YEATS2: variants seen among roughly 807,000 people sequenced by gnomAD.
YEATS2 encodes YEATS domain-containing protein 2.
In YEATS2, 77 loss-of-function variants were observed where a neutral mutation model predicts 163.2. The ratio of observed to expected loss-of-function variants is 0.47; its 90% CI spans 0.39 to 0.57. The LOEUF (loss-of-function observed/expected upper bound fraction) is 0.57. YEATS2 is among the 20% of genes least tolerant of loss of function. The pLI is 0.00. For synonymous variants in YEATS2, 631 were observed against 645.1 expected (o/e 0.98, Z 0.33); for missense variants, 1,549 against 1,729.8 (o/e 0.90, Z 1.85).
At chr3:183,745,962 G>A (rs1214567738) in intron 8 of YEATS2, among the ~76,000 whole-genome samples, 1 of 152,172 alleles carries the variant, frequency 6.6e-6, no homozygotes, top group Non-Finnish European at 1.5e-5. Context: ...CTCCTGAGTA[G>A]TTGGGACCAC....
rs763456457 is a variant in YEATS2 at position 183,758,902 on chromosome 3, C to T, written c.1593C>T (p.Ser531=). The T allele has an allele frequency of 1.3e-6, 2 of 1,597,030 alleles. No individual in the cohort carries two copies. The highest frequency in any genetic ancestry group is 3.6e-5 in the Admixed American group (2 of 55,438). ...AGATCTCCACGGCTTCTCAGGTCTC[C>T]CAAGGAACAGGTTCCCCTGTTCCTA... ...TNKISTASQV[S]QGTGSPVPKI... is the part of the protein sequence containing the mutation. Residue 531 remains serine, a synonymous_variant, in exon 13 of 31, where the codon TCC becomes TCT. Coordinates refer to ENST00000305135, the MANE Select transcript of YEATS2 (RefSeq NM_018023.5).
At chr3:183,743,143 T>C (rs148163102) in intron 8 of YEATS2, among the ~76,000 whole-genome samples, 2 of 152,336 alleles carry the variant, frequency 1.3e-5, no homozygotes, top group African/African-American at 4.8e-5. Flanking sequence ...GAATTGAATC[T>C]GCAATTATCT....
At chr3:183,760,210 A>T (rs1278683546) in intron 13 of YEATS2, among the ~76,000 whole-genome samples, 1 of 151,712 alleles carries the variant, frequency 6.6e-6, no homozygotes, top group African/African-American at 2.4e-5. Context: ...TTTGTTGGTG[A>T]TCATTTTACT....
intron 1 of YEATS2, among the ~76,000 whole-genome samples, chr3:183,701,509 A>G (rs1434179788): frequency 6.6e-6 from 1 of 151,948 alleles, no homozygotes; most frequent in East Asian, 1.9e-4. Context: ...ACCTCAGCCT[A>G]CCAAGTAGGT....
intron 1 of YEATS2, among the ~76,000 whole-genome samples, chr3:183,707,552 T>C (rs1416498115): frequency 1.3e-5 from 2 of 152,202 alleles, no homozygotes; most frequent in Non-Finnish European, 2.9e-5. Flanking sequence ...CAAAAGAGAA[T>C]GTATTTTCTT....
chr3:183,792,308 C>G lies in YEATS2; in HGVS notation c.3097+1328C>G, dbSNP rs564502261. On this transcript the variant is annotated intron_variant, in intron 21 of 30. Transcript: ENST00000305135. ...TCTCCCTTCCCTTGCCCCGCACCCC[C>G]CAACAGGCCACGGTGTGTGATGTTC... 4.6e-5 allele frequency among the ~76,000 whole-genome samples: 7 copies of G among 152,152 alleles called. No individual in the cohort carries two copies. In the South Asian group the frequency reaches 6.2e-4, roughly 14 times the overall value.
At chr3:183,749,910 C>T (rs182118806) in intron 9 of YEATS2, among the ~76,000 whole-genome samples, 26 of 152,184 alleles carry the variant, frequency 1.7e-4, no homozygotes, top group African/African-American at 3.6e-4. Flanking sequence ...CTCCACCTCC[C>T]GGGTTCACGC....
intron 7 of YEATS2, among the ~76,000 whole-genome samples, chr3:183,735,566 A>T (rs577758117): frequency 2.2e-4 from 34 of 152,184 alleles, no homozygotes; most frequent in African/African-American, 8.2e-4. Context: ...CTCCGTTGTT[A>T]GCTGCTGGCT....
At chr3:183,733,548 T>C (rs545742432) in intron 7 of YEATS2, among the ~76,000 whole-genome samples, 141 of 152,334 alleles carry the variant, frequency 9.3e-4, no homozygotes, top group African/African-American at 3.3e-3. Flanking sequence ...TGTCCTAGGT[T>C]TAATTATAAC....
chr3:183,806,097 A>G (rs759890812), intron 27 of YEATS2: 1 of 354,784 alleles, frequency 2.8e-6, no homozygotes, highest in Non-Finnish European at 5.6e-6. Context: ...CAATGGTCTG[A>G]AAGCTGTAGG....
chr3:183,722,278 C>CTTTTTTTTTTTTTTTT lies in YEATS2; in HGVS notation c.537+155_537+170dup, dbSNP rs200048624. 6.2e-5 allele frequency: 18 copies of CTTTTTTTTTTTTTTTT among 289,378 alleles called. 2 individuals are homozygous for CTTTTTTTTTTTTTTTT. The African/African-American group carries it at 7.3e-4, about 12-fold the overall frequency. The allele number at this position is 289,378 out of a possible 1,614,324, so 17.9% of individuals were successfully genotyped here. A position where few individuals can be genotyped will look rare whatever the true frequency, so the allele number is the denominator to read the frequency against. ...TCCTTTTATAATGGGGAAACCAAATCTTTTTTTTTTTTTTTTTTTTTTTTT... is the reference window on the plus strand; with the variant it reads ...TCCTTTTATAATGGGGAAACCAAATCTTTTTTTTTTTTTTTTTTTTTTTTTTTTTTTTTTTTTTTTT... On this transcript the variant is annotated intron_variant, in intron 5 of 30. Coordinates refer to ENST00000305135, the MANE Select transcript of YEATS2 (RefSeq NM_018023.5).
At chr3:183,744,117 T>A (rs1560261683) in intron 8 of YEATS2, among the ~76,000 whole-genome samples, 3 of 135,754 alleles carry the variant, frequency 2.2e-5, no homozygotes, top group Non-Finnish European at 4.7e-5. Context: ...TTTTTTTTTT[T>A]TTTTTTTTTT....
chr3:183,803,871 TA>T (rs774564132), intron 26 of YEATS2, 115 bp from the exon 27 acceptor site: 20,625 of 877,174 alleles, frequency 0.024, 467 homozygotes, highest in African/African-American at 0.14. Flanking sequence ...TTTTTTTCTT[TA>T]AAAAAAAAAA....
At chr3:183,796,898 A>G (rs1725202190) in intron 21 of YEATS2, among the ~76,000 whole-genome samples, 1 of 152,118 alleles carries the variant, frequency 6.6e-6, no homozygotes, top group Non-Finnish European at 1.5e-5. Context: ...CCTTTTTACT[A>G]GCAAAAATGT....
intron 2 of YEATS2, among the ~76,000 whole-genome samples, chr3:183,716,159 C>T (rs1266657407): frequency 6.6e-6 from 1 of 152,114 alleles, no homozygotes; most frequent in African/African-American, 2.4e-5. Context: ...CGGGGTTTCA[C>T]CGTGTTAGCC....
intron 7 of YEATS2, among the ~76,000 whole-genome samples, chr3:183,730,400 G>A (rs933115572): frequency 1.3e-5 from 2 of 152,072 alleles, no homozygotes; most frequent in African/African-American, 4.8e-5. Flanking sequence ...GGAAGTGGTT[G>A]TTGGTTATTA....
At chr3:183,712,199 T>TTATGTTATG (rs1560220669) in intron 1 of YEATS2, among the ~76,000 whole-genome samples, 1 of 93,924 alleles carries the variant, frequency 1.1e-5, no homozygotes, top group African/African-American at 6.3e-5. Context: ...TTTATTTTAT[T>TTATGTTATG]TTATTTTATT....
chr3:183,730,052 GTTTTTTT>G (rs869091775), intron 7 of YEATS2, among the ~76,000 whole-genome samples: 3,596 of 41,880 alleles, frequency 0.086, 184 homozygotes, highest in Middle Eastern at 0.17. Context: ...TTTTTTGTTT[GTTTTTTT>G]TTTTTTTTTT....
At position 183,786,204 on chromosome 3, in the gene YEATS2, C is replaced by G. The variant is rs200106420; in HGVS notation, c.2816C>G (p.Ser939Trp). 1 of 1,613,996 alleles carries G rather than the reference C, an allele frequency of 6.2e-7. No homozygotes were observed. ...ACTGTGCCAGCCACCTCACAGCTCTCGAAGCCTGGAACCACAATGCTGAGA... is the reference window on the plus strand; with the variant it reads ...ACTGTGCCAGCCACCTCACAGCTCTGGAAGCCTGGAACCACAATGCTGAGA... ...LKTVPATSQL[S>W]KPGTTMLRVA... is the part of the protein sequence containing the mutation. The change falls in exon 20 of 31, where the codon TCG (serine) becomes TGG (tryptophan). Residue 939 changes from serine (S) to tryptophan (W), a missense_variant. Transcript: ENST00000305135.
Sources: gnomAD v4.1 joint callset for allele counts (sites outside exome capture counted in the v4.1 genomes callset) on GRCh38, gnomAD v4.1.1 for gene constraint, MANE v1.5 for transcripts, NCBI Gene and HGNC (gene_info 2026-07-23, HGNC 2026-07-21) for gene names.